BMP3: variants seen among roughly 807,000 people sequenced by gnomAD.
BMP3 encodes the protein bone morphogenetic protein 3 (osteogenic).
A neutral mutation model predicts 38.1 loss-of-function variants in BMP3; 23 were observed. That is an observed-to-expected ratio of 0.60 (90% confidence interval 0.43 to 0.86). The LOEUF is 0.86. Ranked by LOEUF, BMP3 falls within the 40% of genes least tolerant of loss-of-function variation. The pLI is 0.00. For missense variants in BMP3, 628 were observed against 579.6 expected, an observed-to-expected ratio of 1.08 and a Z score of -0.86; for synonymous variants, 258 against 225.7, an observed-to-expected ratio of 1.14 and a Z score of -1.28.
chr4:81,045,637 G>T, intron 1 of BMP3, 101 bp from the exon 2 acceptor site: 1 of 1,034,892 alleles, frequency 9.7e-7, no homozygotes. Context: ...CATGGATTTA[G>T]TTCTTATATA....
intron 1 of BMP3, among the ~76,000 whole-genome samples, chr4:81,041,385 G>A (rs1046861063): frequency 2.0e-5 from 3 of 152,202 alleles, no homozygotes; most frequent in African/African-American, 7.2e-5. Flanking sequence ...CAAAAATAAA[G>A]TATGGGTTAG....
chr4:81,032,194 CAAAAAAAAA>C (rs5859748), intron 1 of BMP3, among the ~76,000 whole-genome samples: 9,069 of 74,126 alleles, frequency 0.12, 486 homozygotes, highest in Middle Eastern at 0.27. Context: ...TCCTTAGTGG[CAAAAAAAAA>C]AAAAAAAAAA....
chr4:81,033,065 C>A (rs1027820283), intron 1 of BMP3, among the ~76,000 whole-genome samples: 9 of 152,046 alleles, frequency 5.9e-5, no homozygotes, highest in African/African-American at 1.9e-4. Context: ...GTGGGAGTTG[C>A]AAGGATTGAA....
chr4:81,031,345 C>A lies in BMP3; in HGVS notation c.61C>A (p.Gln21Lys). 1 of 1,612,150 alleles carries A rather than the reference C, an allele frequency of 6.2e-7. No homozygotes were observed. The highest frequency in any genetic ancestry group is 8.5e-7 in the Non-Finnish European group (1 of 1,179,430). The change falls in exon 1 of 3, where the codon CAG becomes AAG. Residue 21 changes from glutamine (Q) to lysine (K), a missense_variant. Physicochemically the swap from Gln to Lys is moderately conservative, Grantham distance 53 (BLOSUM62 1). Transcript: ENST00000282701. ...WLGCFCVSLA[Q>K]GERPKPPFPE... ...GGGCTGCTTCTGCGTGAGCCTGGCGCAGGGAGAGAGACCGAAGCCACCTTT... is the reference window on the plus strand; with the variant it reads ...GGGCTGCTTCTGCGTGAGCCTGGCGAAGGGAGAGAGACCGAAGCCACCTTT...
chr4:81,037,905 G>A (rs923859355), intron 1 of BMP3, among the ~76,000 whole-genome samples: 3 of 152,066 alleles, frequency 2.0e-5, no homozygotes, highest in Non-Finnish European at 4.4e-5. Context: ...AACCTTGTTA[G>A]AAATTCTCTA....
intron 1 of BMP3, among the ~76,000 whole-genome samples, chr4:81,034,193 C>A (rs1739858954): frequency 6.6e-6 from 1 of 152,142 alleles, no homozygotes; most frequent in Non-Finnish European, 1.5e-5. Flanking sequence ...CTTTTCTCCT[C>A]CCTGAATGCT....
chr4:81,053,603 T>TTC lies in BMP3; in HGVS notation c.*68_*69insCT, dbSNP rs2109914448. 1 of 423,626 alleles carries TTC rather than the reference T, an allele frequency of 2.4e-6. No individual in the cohort carries two copies. The highest frequency in any genetic ancestry group is 5.8e-5 in the East Asian group (1 of 17,178). The allele number at this position is 423,626 out of a possible 1,614,324, so 26.2% of individuals were successfully genotyped here. A position where few individuals can be genotyped will look rare whatever the true frequency, so the allele number is the denominator to read the frequency against. ...TTTATTTTTATGGACTTCTTCCTGTTTTTTTTTTTTTTTTTTTTGCACTGC... is the reference window on the plus strand; with the variant it reads ...TTTATTTTTATGGACTTCTTCCTGTTTCTTTTTTTTTTTTTTTTTTGCACTGC... On this transcript the variant is annotated 3_prime_UTR_variant, in exon 3 of 3. Coordinates refer to ENST00000282701, the MANE Select transcript of BMP3 (RefSeq NM_001201.5).
chr4:81,044,666 T>G (rs1037441829), intron 1 of BMP3, among the ~76,000 whole-genome samples: 2 of 152,214 alleles, frequency 1.3e-5, no homozygotes, highest in African/African-American at 2.4e-5. Flanking sequence ...AACACCGATC[T>G]GATTCTGTCT....
chr4:81,046,676 A>C (rs551404493), intron 2 of BMP3, 28 bp downstream of exon 2: 1 of 1,565,824 alleles, frequency 6.4e-7, no homozygotes, highest in South Asian at 1.2e-5. Flanking sequence ...TCCTGTACTT[A>C]CTTCCTATTT....
intron 1 of BMP3, among the ~76,000 whole-genome samples, chr4:81,034,151 G>T (rs931219736): frequency 6.6e-6 from 1 of 152,140 alleles, no homozygotes; most frequent in African/African-American, 2.4e-5. Flanking sequence ...ATGGTGGGTG[G>T]CATTCATCCT....
At chr4:81,032,194 C>CAAAAAAAAAAAAAAAAAAAAAAAA (rs5859748) in intron 1 of BMP3, among the ~76,000 whole-genome samples, 3 of 74,042 alleles carry the variant, frequency 4.1e-5, no homozygotes, top group African/African-American at 1.4e-4. Context: ...TCCTTAGTGG[C>CAAAAAAAAAAAAAAAAAAAAAAAA]AAAAAAAAAA....
At chr4:81,041,885 C>T (rs1036031471) in intron 1 of BMP3, among the ~76,000 whole-genome samples, 1 of 152,052 alleles carries the variant, frequency 6.6e-6, no homozygotes, top group Admixed American at 6.6e-5. Context: ...TAATGGCTCC[C>T]AATTCTGCTC....
rs968598920 is a variant in BMP3, at chr4:81,055,718, T to C, written c.*2182T>C. On this transcript the variant is annotated 3_prime_UTR_variant, in exon 3 of 3. Coordinates refer to ENST00000282701, the MANE Select transcript of BMP3 (RefSeq NM_001201.5). ...GCCTTCTTATATCCAAATGCCTGTTTATTACCTTTCTTAATTTGAATCAAT... is the reference window on the plus strand; with the variant it reads ...GCCTTCTTATATCCAAATGCCTGTTCATTACCTTTCTTAATTTGAATCAAT... The C allele has an allele frequency of 3.3e-5, 5 of 152,184 alleles. No homozygotes were observed. Among genetic ancestry groups the C allele is most frequent in the Non-Finnish European group, 2.9e-5 (2 of 68,034 alleles). The allele number at this position is 152,184 out of a possible 1,614,324, so 9.4% of individuals were successfully genotyped here.
intron 1 of BMP3, among the ~76,000 whole-genome samples, chr4:81,033,603 T>C (rs1739836824): frequency 1.3e-5 from 2 of 152,206 alleles, no homozygotes. Flanking sequence ...TTAAGTGTCA[T>C]GTTACCTCAT....
In BMP3 at chr4:81,046,098, G is replaced by A. The variant is rs373752528; in HGVS notation, c.677G>A (p.Arg226His). ...GGATTTAACATTACGTCCAAGGGAC[G>A]CCAGCTGCCAAAGAGGAGGTTACCT... ...LIGFNITSKG[R>H]QLPKRRLPFP... is the part of the protein sequence containing the mutation. Residue 226 changes from arginine to histidine, a missense_variant, in exon 2 of 3, where the codon CGC (arginine) becomes CAC (histidine). Coordinates refer to ENST00000282701, the MANE Select transcript of BMP3 (RefSeq NM_001201.5). 20 of 1,613,990 alleles carry A rather than the reference G, an allele frequency of 1.2e-5. No homozygotes were observed. Among genetic ancestry groups the A allele is most frequent in the African/African-American group, 9.3e-5 (7 of 74,900 alleles).
At chr4:81,039,324 G>T (rs1317090717) in intron 1 of BMP3, among the ~76,000 whole-genome samples, 1 of 152,138 alleles carries the variant, frequency 6.6e-6, no homozygotes, top group Non-Finnish European at 1.5e-5. Context: ...GCTTCCTGGG[G>T]ATTTAGCTAA....
intron 2 of BMP3, 120 bp from the exon 3 acceptor site, chr4:81,053,225 A>G: frequency 1.4e-6 from 1 of 694,368 alleles, no homozygotes; most frequent in Non-Finnish European, 2.2e-6. Flanking sequence ...TAATGATGCC[A>G]GAGGTTTTAT....
Position 81,031,120 on chromosome 4 carries a change from G to A in BMP3, c.-165G>A, listed in dbSNP as rs891294806. ...AGGCTGCGCTGGGTCAGCGCAGCAAGTGGGGCTGGCCGCTATCTCGCTGCA... is the reference window on the plus strand; with the variant it reads ...AGGCTGCGCTGGGTCAGCGCAGCAAATGGGGCTGGCCGCTATCTCGCTGCA... On this transcript the variant is annotated 5_prime_UTR_variant, in exon 1 of 3. In the 5' UTR this introduces an upstream ATG that the reference lacks. Coordinates refer to ENST00000282701, the MANE Select transcript of BMP3 (RefSeq NM_001201.5). The A allele has an allele frequency of 4.2e-6, 3 of 715,190 alleles. No individual in the cohort carries two copies. The highest frequency in any genetic ancestry group is 3.1e-5 in the Admixed American group (1 of 32,236). The allele number at this position is 715,190 out of a possible 1,614,324, so 44.3% of individuals were successfully genotyped here.
chr4:81,031,531 T>C lies in BMP3; in HGVS notation c.247T>C (p.Ser83Pro), dbSNP rs1739768242. ...ARTPGSLEGG[S>P]QPWRPRLLRE... ...GACACCGGGCTCCCTGGAGGGAGGC[T>C]CGCAGCCCTGGCGCCCTCGGCTCCT... Residue 83 changes from serine (S) to proline (P), a missense_variant, in exon 1 of 3, where the codon TCG (serine) becomes CCG (proline). Ser to Pro is a moderately conservative substitution (Grantham distance 74). Coordinates refer to ENST00000282701, the MANE Select transcript of BMP3 (RefSeq NM_001201.5). 2 of 1,611,122 alleles carry C rather than the reference T, an allele frequency of 1.2e-6. No homozygotes were observed. The highest frequency in any genetic ancestry group is 1.7e-5 in the Admixed American group (1 of 59,742).
Sources: allele counts gnomAD v4.1 joint callset (sites outside exome capture counted in the v4.1 genomes callset), GRCh38; gene constraint gnomAD v4.1.1; transcripts MANE v1.5; gene names NCBI Gene and HGNC (gene_info 2026-07-23, HGNC 2026-07-21).